Variants in NUP160 observed in about 807,000 individuals in gnomAD.
The protein encoded by NUP160 is nuclear pore complex protein Nup160.
NUP160 carries 94 observed loss-of-function variants against 196.9 expected under a neutral mutation model. That is an observed-to-expected ratio of 0.48 (90% confidence interval 0.40 to 0.57). NUP160 has a LOEUF of 0.57. Among genes scored for constraint, NUP160 ranks in the 20% least tolerant of loss-of-function variants. The pLI is 0.00. For synonymous variants in NUP160, 605 were observed against 619.7 expected (o/e 0.98, Z 0.35); for missense variants, 1,638 against 1,748.3 (o/e 0.94, Z 1.13).
chr11:47,847,832 G>T lies in NUP160; in HGVS notation c.314+16C>A. On this transcript the variant is annotated intron_variant, in intron 2 of 35. Coordinates refer to ENST00000378460, the Ensembl canonical transcript of NUP160. ...ACCCTACCTTCCAGGGGAGTTTGGCGAACCACAACACTTACCAATGAATGA... is the reference window on the plus strand; with the variant it reads ...ACCCTACCTTCCAGGGGAGTTTGGCTAACCACAACACTTACCAATGAATGA... 1 of 1,584,424 alleles carries T rather than the reference G, an allele frequency of 6.3e-7. No individual in the cohort carries two copies. Among genetic ancestry groups the T allele is most frequent in the Non-Finnish European group, 8.7e-7 (1 of 1,152,860 alleles).
At position 47,808,450 on chromosome 11, in the gene NUP160, TAATAA is replaced by T; in HGVS notation, c.2316_2320del (p.Tyr773ProfsTer3). 1 of 1,613,698 alleles carries T rather than the reference TAATAA, an allele frequency of 6.2e-7. No individual in the cohort carries two copies. On this transcript the variant is annotated frameshift_variant, in exon 18 of 36. Transcript: ENST00000378460. LOFTEE classifies it high-confidence loss of function. Reference sequence around the variant, plus strand: ...GCACTCACTTCCCCATTTAATGAGGTAATAAGATAAGAGTAGGGGAGCTGTTCGAT... The same window carrying T: ...GCACTCACTTCCCCATTTAATGAGGTGATAAGAGTAGGGGAGCTGTTCGAT...
intron 8 of NUP160, 50 bp downstream of exon 8, chr11:47,822,037 T>C (rs547288445): frequency 4.8e-6 from 6 of 1,237,644 alleles, no homozygotes; most frequent in Admixed American, 1.8e-5. Flanking sequence ...AGTTAGTCAA[T>C]ACTTCTTTTT....
intron 34 of NUP160, among the ~76,000 whole-genome samples, chr11:47,781,593 C>T (rs1301418591): frequency 3.3e-5 from 5 of 152,168 alleles, no homozygotes; most frequent in Non-Finnish European, 7.3e-5. Context: ...CTGTAGTTAA[C>T]TACACCTATT....
chr11:47,790,135 G>C (rs1273063418), intron 29 of NUP160, among the ~76,000 whole-genome samples: 1 of 151,752 alleles, frequency 6.6e-6, no homozygotes, highest in African/African-American at 2.4e-5. Flanking sequence ...AGTAGAGACA[G>C]GGTTTCTCCA....
chr11:47,816,870 C>T (rs932906541), intron 11 of NUP160, among the ~76,000 whole-genome samples: 1 of 151,948 alleles, frequency 6.6e-6, no homozygotes, highest in Non-Finnish European at 1.5e-5. Flanking sequence ...GTCTTGAACT[C>T]CTGAGCTCAA....
intron 32 of NUP160, 46 bp from the exon 33 acceptor site, chr11:47,785,109 C>A: frequency 3.6e-6 from 2 of 552,562 alleles, no homozygotes; most frequent in South Asian, 4.8e-5. Context: ...TTCTTAATAG[C>A]TATTTAGAGT....
rs1221525958 is a variant in NUP160 at position 47,839,696 on chromosome 11, C to T, written c.748+147G>A. ...CCTTATCCACTGTATAAAAGTAAAGCATTAGGGACTCATTAGGCAAGCAAT... is the reference window on the plus strand; with the variant it reads ...CCTTATCCACTGTATAAAAGTAAAGTATTAGGGACTCATTAGGCAAGCAAT... On this transcript the variant is annotated intron_variant, in intron 4 of 35. Transcript: ENST00000378460. 44 of 698,946 alleles carry T rather than the reference C, an allele frequency of 6.3e-5. No homozygotes were observed. The East Asian group carries it at 1.1e-3, about 17-fold the overall frequency. The allele number at this position is 698,946 out of a possible 1,614,324, so 43.3% of individuals were successfully genotyped here.
At position 47,798,475 on chromosome 11, in the gene NUP160, TAGA is replaced by T. The variant is rs2097672202; in HGVS notation, c.2896-15_2896-13del. 1 of 1,405,014 alleles carries T rather than the reference TAGA, an allele frequency of 7.1e-7. No homozygotes were observed. The highest frequency in any genetic ancestry group is 1.2e-5 in the South Asian group (1 of 83,334). The allele number at this position is 1,405,014 out of a possible 1,614,324, so 87.0% of individuals were successfully genotyped here. On this transcript the variant is annotated splice_polypyrimidine_tract_variant and intron_variant, in intron 23 of 35. Coordinates refer to ENST00000378460, the Ensembl canonical transcript of NUP160. ...AGTAGTCGTAAAACCTAACGAGAAA[TAGA>T]AGAAATTTCCATTAAAATTAATATT...
At chr11:47,811,204 C>G (rs1299073793) in intron 17 of NUP160, among the ~76,000 whole-genome samples, 1 of 151,964 alleles carries the variant, frequency 6.6e-6, no homozygotes, top group Non-Finnish European at 1.5e-5. Context: ...TTAGGGTAAG[C>G]CTTGCACTGT....
At chr11:47,800,197 T>C (rs1033871019) in intron 23 of NUP160, among the ~76,000 whole-genome samples, 1 of 147,664 alleles carries the variant, frequency 6.8e-6, no homozygotes, top group Non-Finnish European at 1.5e-5. Context: ...GAGGTTGCAG[T>C]GAGCCCAGAT....
chr11:47,827,255 C>T (rs560278729), intron 7 of NUP160: 31 of 410,360 alleles, frequency 7.6e-5, no homozygotes, highest in South Asian at 5.5e-4. Context: ...TCCCAGCTAC[C>T]TGGGAGGCTG....
intron 23 of NUP160, among the ~76,000 whole-genome samples, chr11:47,799,517 G>C (rs1222673976): frequency 6.6e-6 from 1 of 152,058 alleles, no homozygotes; most frequent in Admixed American, 6.6e-5. Flanking sequence ...ATTTATAAAG[G>C]ATGAAGATAA....
At chr11:47,780,029 C>G (rs1055694447) in intron 35 of NUP160, among the ~76,000 whole-genome samples, 2 of 152,190 alleles carry the variant, frequency 1.3e-5, no homozygotes, top group African/African-American at 4.8e-5. Context: ...TGCGCCCGGC[C>G]TATCATTGCT....
At chr11:47,813,195 T>C (rs2097682155) in intron 14 of NUP160, 121 bp downstream of exon 14, 1 of 978,826 alleles carries the variant, frequency 1.0e-6, no homozygotes, top group African/African-American at 1.6e-5. Flanking sequence ...ATTAAAATAT[T>C]TGTGGTGTGG....
chr11:47,807,047 T>C (rs1371368808), intron 19 of NUP160, 23 bp downstream of exon 19: 7 of 1,522,770 alleles, frequency 4.6e-6, no homozygotes, highest in Non-Finnish European at 6.3e-6. Context: ...TAAAATGAAA[T>C]GTGTACATAG....
chr11:47,840,306 T>C, intron 3 of NUP160, 72 bp downstream of exon 3: 1 of 1,325,068 alleles, frequency 7.5e-7, no homozygotes, highest in South Asian at 1.2e-5. Flanking sequence ...CCAAAAGACA[T>C]CGCTCCAGCA....
At position 47,785,014 on chromosome 11, in the gene NUP160, T is replaced by C. The variant is rs1477945142; in HGVS notation, c.3898A>G (p.Lys1300Glu). The change falls in exon 33 of 36, where the codon AAA becomes GAA. Residue 1300 changes from lysine to glutamate, a missense_variant. Lys to Glu is a moderately conservative substitution (Grantham distance 56, BLOSUM62 1). This residue lies in a region of NUP160 where 1,345 missense variants were observed against 1,470.2 expected (regional missense o/e 0.91). Transcript: ENST00000378460. ...TGGTGATACAAGTTATTCTGGACTTTGTACCTCTCCAGGTAAGTGGATAAT... is the reference window on the plus strand; with the variant it reads ...TGGTGATACAAGTTATTCTGGACTTCGTACCTCTCCAGGTAAGTGGATAAT... The C allele has an allele frequency of 1.3e-5, 21 of 1,602,700 alleles. 1 individual carries two copies. Among genetic ancestry groups the C allele is most frequent in the Non-Finnish European group, 1.8e-5 (21 of 1,173,302 alleles).
rs368246063 is a variant in NUP160 at position 47,848,214 on chromosome 11, C to T, written c.202+5G>A. ...GGATCGCACCCTCCCTGGCCATTTC[C>T]GTACCAATGCTGCAGACTGTGAATT... On this transcript the variant is annotated splice_donor_5th_base_variant and intron_variant, in intron 1 of 35. Coordinates refer to ENST00000378460, the Ensembl canonical transcript of NUP160. 1 of 1,614,046 alleles carries T rather than the reference C, an allele frequency of 6.2e-7. No homozygotes were observed. Among genetic ancestry groups the T allele is most frequent in the African/African-American group, 1.3e-5 (1 of 74,950 alleles).
intron 9 of NUP160, among the ~76,000 whole-genome samples, chr11:47,820,701 A>G (rs1851839852): frequency 6.6e-6 from 1 of 151,916 alleles, no homozygotes; most frequent in Non-Finnish European, 1.5e-5. Context: ...ACAGGCACAT[A>G]CCACCACGCC....
Sources: gnomAD v4.1 joint callset for allele counts (sites outside exome capture counted in the v4.1 genomes callset) on GRCh38, gnomAD v4.1.1 for gene constraint, gnomAD v4.1.1 regional missense constraint, MANE v1.5 for transcripts, NCBI Gene and HGNC (gene_info 2026-07-23, HGNC 2026-07-21) for gene names.